UBE3C: variants seen among roughly 807,000 people sequenced by gnomAD.
The protein encoded by UBE3C is ubiquitin protein ligase E3C.
In UBE3C, 42 loss-of-function variants were observed where a neutral mutation model predicts 129.4. The ratio of observed to expected loss-of-function variants is 0.32; its 90% CI spans 0.25 to 0.42. UBE3C has a LOEUF of 0.42. Among genes scored for constraint, UBE3C ranks in the 10% least tolerant of loss-of-function variants. The pLI, the probability that UBE3C is intolerant of heterozygous loss-of-function variation, is 1.00. For missense variants in UBE3C, 1,049 were observed against 1,319.1 expected (o/e 0.80, Z 3.17); for synonymous variants, 510 against 492.4 (o/e 1.04, Z -0.47).
chr7:157,182,646 A>G (rs1161365714), intron 8 of UBE3C, among the ~76,000 whole-genome samples: 2 of 152,204 alleles, frequency 1.3e-5, no homozygotes, highest in Admixed American at 1.3e-4. Context: ...TGCCTCTTCT[A>G]GAATAACATC....
chr7:157,256,850 C>T, intron 21 of UBE3C, 64 bp from the exon 22 acceptor site: 2 of 1,598,462 alleles, frequency 1.3e-6, no homozygotes, highest in Admixed American at 3.4e-5. Context: ...TGGACCAATC[C>T]CTGTGGGTCC....
intron 16 of UBE3C, among the ~76,000 whole-genome samples, chr7:157,224,697 ACT>A (rs1463324755): frequency 6.6e-6 from 1 of 151,524 alleles, no homozygotes; most frequent in Non-Finnish European, 1.5e-5. Context: ...AGGCCTATAC[ACT>A]CTATTTGCAT....
intron 1 of UBE3C, among the ~76,000 whole-genome samples, chr7:157,159,476 CTG>C (rs1300212604): frequency 1.3e-5 from 2 of 152,148 alleles, no homozygotes; most frequent in African/African-American, 2.4e-5. Context: ...AAAGATCAGA[CTG>C]TGGATGGTTT....
intron 18 of UBE3C, among the ~76,000 whole-genome samples, chr7:157,235,732 G>A (rs1320255509): frequency 1.3e-5 from 2 of 152,202 alleles, no homozygotes; most frequent in African/African-American, 4.8e-5. Flanking sequence ...GTAATTTGAG[G>A]ATGGTAGTTA....
At chr7:157,194,237 T>C (rs1809055027) in intron 10 of UBE3C, among the ~76,000 whole-genome samples, 1 of 152,212 alleles carries the variant, frequency 6.6e-6, no homozygotes. Context: ...GAGTTGGGCT[T>C]GTCTTGAGAA....
chr7:157,155,138 A>G (rs1400229819), intron 1 of UBE3C, among the ~76,000 whole-genome samples: 2 of 152,188 alleles, frequency 1.3e-5, no homozygotes, highest in Admixed American at 6.5e-5. Flanking sequence ...TCATATTTTC[A>G]TAGAGATTCT....
At chr7:157,205,223 A>C (rs1809400226) in intron 11 of UBE3C, among the ~76,000 whole-genome samples, 1 of 152,202 alleles carries the variant, frequency 6.6e-6, no homozygotes, top group South Asian at 2.1e-4. Flanking sequence ...ATTGGCACAT[A>C]TCCTTGCCAA....
intron 1 of UBE3C, among the ~76,000 whole-genome samples, chr7:157,149,621 C>G (rs561961263): frequency 2.6e-5 from 4 of 152,254 alleles, no homozygotes; most frequent in African/African-American, 9.6e-5. Flanking sequence ...CCCTACTTGG[C>G]TTTAACCACT....
At chr7:157,183,416 A>G (rs1163182460) in intron 8 of UBE3C, among the ~76,000 whole-genome samples, 2 of 151,876 alleles carry the variant, frequency 1.3e-5, no homozygotes, top group Non-Finnish European at 2.9e-5. Flanking sequence ...TTCTCCAGGC[A>G]CTCCACACTC....
chr7:157,209,175 G>A (rs1563057037), intron 13 of UBE3C, among the ~76,000 whole-genome samples: 1 of 152,146 alleles, frequency 6.6e-6, no homozygotes. Context: ...AACCTGATGG[G>A]CTAATTAAGG....
intron 22 of UBE3C, among the ~76,000 whole-genome samples, chr7:157,266,961 C>T (rs1468097007): frequency 6.6e-6 from 1 of 152,068 alleles, no homozygotes; most frequent in Non-Finnish European, 1.5e-5. Flanking sequence ...AGGCTGGTCT[C>T]GAACTCCTAA....
rs142459579 is a variant in UBE3C, at chr7:157,158,808, A to G, written c.67-5002A>G. On this transcript the variant is annotated intron_variant, in intron 1 of 22. Transcript: ENST00000348165. The stretch of plus-strand genomic sequence containing the variant: ...AATTAGAAGAAATGCTTTAAAATCT[A>G]TTGTTGATTTTATGACAAATGACAA... Among the ~76,000 whole-genome samples, 409 of 152,300 alleles carry G rather than the reference A, an allele frequency of 2.7e-3. 5 individuals carry two copies. The highest frequency in any genetic ancestry group is 9.6e-3 in the African/African-American group (400 of 41,564).
intron 18 of UBE3C, among the ~76,000 whole-genome samples, chr7:157,239,824 G>A (rs901863129): frequency 7.9e-5 from 12 of 152,338 alleles, no homozygotes; most frequent in South Asian, 2.1e-4. Context: ...CACAGGCTGC[G>A]TGTCCAAGAA....
chr7:157,227,720 A>G (rs1288436102), intron 17 of UBE3C, among the ~76,000 whole-genome samples: 1 of 151,894 alleles, frequency 6.6e-6, no homozygotes, highest in East Asian at 1.9e-4. Flanking sequence ...AGAAAAAACT[A>G]CTCCCTGTAG....
intron 22 of UBE3C, among the ~76,000 whole-genome samples, chr7:157,262,309 A>G (rs757786923): frequency 6.6e-6 from 1 of 150,692 alleles, no homozygotes; most frequent in Non-Finnish European, 1.5e-5. Flanking sequence ...ATTTTAGCAC[A>G]TATTATATGC....
chr7:157,200,066 A>C (rs1809238868), intron 10 of UBE3C, among the ~76,000 whole-genome samples: 1 of 152,162 alleles, frequency 6.6e-6, no homozygotes, highest in African/African-American at 2.4e-5. Context: ...AATACTTCTG[A>C]GCTGGAAGGA....
At chr7:157,164,067 G>A (rs1349558171) in intron 2 of UBE3C, among the ~76,000 whole-genome samples, 4 of 152,196 alleles carry the variant, frequency 2.6e-5, no homozygotes, top group African/African-American at 4.8e-5. Flanking sequence ...CCAGACTGGA[G>A]AAGGAACATG....
At chr7:157,188,860 A>G in intron 10 of UBE3C, 2 of 466,768 alleles carry the variant, frequency 4.3e-6, no homozygotes, top group South Asian at 9.3e-5. Context: ...CTGATAACTC[A>G]TTCACAGGCC....
At chr7:157,158,580 T>C (rs1315677906) in intron 1 of UBE3C, among the ~76,000 whole-genome samples, 1 of 152,246 alleles carries the variant, frequency 6.6e-6, no homozygotes, top group African/African-American at 2.4e-5. Flanking sequence ...CAAGATTCCT[T>C]TGTCTAATGA....
Sources: allele counts gnomAD v4.1 joint callset (sites outside exome capture counted in the v4.1 genomes callset), GRCh38; gene constraint gnomAD v4.1.1; transcripts MANE v1.5; gene names NCBI Gene and HGNC (gene_info 2026-07-23, HGNC 2026-07-21).